Variants in AFG2A observed in about 807,000 individuals in gnomAD.
AFG2A encodes the protein ATPase family gene 2 protein homolog A.
the AFG2A span, among the ~76,000 whole-genome samples, chr4:123,047,304 A>G: frequency 2.0e-5 from 3 of 152,198 alleles, no homozygotes; most frequent in African/African-American, 7.2e-5. Flanking sequence ...CTTGCATAAG[A>G]TAAGAGATCA....
chr4:123,007,629 T>TATATATAC, the AFG2A span, among the ~76,000 whole-genome samples: 7 of 99,078 alleles, frequency 7.1e-5, no homozygotes, highest in African/African-American at 3.4e-4. Context: ...TATATATATA[T>TATATATAC]ACACACACAC....
At chr4:123,203,684 T>C in the AFG2A span, among the ~76,000 whole-genome samples, 2 of 152,262 alleles carry the variant, frequency 1.3e-5, no homozygotes, top group African/African-American at 4.8e-5. Flanking sequence ...TTTTGGACTA[T>C]TATGAATAAA....
the AFG2A span, among the ~76,000 whole-genome samples, chr4:123,124,216 T>C: frequency 6.6e-6 from 1 of 152,112 alleles, no homozygotes; most frequent in Admixed American, 6.5e-5. Context: ...CTGTTCACAA[T>C]AGCAAAGACT....
chr4:122,960,049 T>C, the AFG2A span, among the ~76,000 whole-genome samples: 2 of 152,192 alleles, frequency 1.3e-5, no homozygotes, highest in African/African-American at 4.8e-5. Context: ...TGGTTTGATA[T>C]GTCGTGACTT....
chr4:122,930,054 A>G, the AFG2A span, among the ~76,000 whole-genome samples: 2 of 152,238 alleles, frequency 1.3e-5, no homozygotes, highest in African/African-American at 2.4e-5. Context: ...AAAAGAGTAG[A>G]TTACTGTGAG....
At chr4:123,140,673 C>T in the AFG2A span, among the ~76,000 whole-genome samples, 1 of 151,634 alleles carries the variant, frequency 6.6e-6, no homozygotes, top group Non-Finnish European at 1.5e-5. Context: ...ATGTGTATTC[C>T]CATTTTTTAA....
the AFG2A span, among the ~76,000 whole-genome samples, chr4:122,986,383 C>T: frequency 2.6e-5 from 4 of 152,202 alleles, no homozygotes; most frequent in African/African-American, 7.2e-5. Context: ...ACTGAAGTCC[C>T]GTACTATTAT....
At chr4:122,996,144 C>G in the AFG2A span, among the ~76,000 whole-genome samples, 1 of 152,106 alleles carries the variant, frequency 6.6e-6, no homozygotes, top group East Asian at 1.9e-4. Context: ...ACTTTATGCT[C>G]TAGTCTTGTT....
the AFG2A span, among the ~76,000 whole-genome samples, chr4:122,954,053 A>G: frequency 1.3e-5 from 2 of 152,176 alleles, no homozygotes; most frequent in African/African-American, 2.4e-5. Flanking sequence ...ATGTCCTGCA[A>G]TTCCTCCATA....
At chr4:122,927,325 C>T in the AFG2A span, among the ~76,000 whole-genome samples, 1 of 151,950 alleles carries the variant, frequency 6.6e-6, no homozygotes, top group African/African-American at 2.4e-5. Flanking sequence ...ACTTAAAGCT[C>T]AGAGACTCTC....
At chr4:122,971,575 T>G in the AFG2A span, among the ~76,000 whole-genome samples, 1 of 152,194 alleles carries the variant, frequency 6.6e-6, no homozygotes, top group African/African-American at 2.4e-5. Flanking sequence ...CTTACTATAC[T>G]ACATAGGACC....
the AFG2A span, among the ~76,000 whole-genome samples, chr4:123,106,808 C>G: frequency 6.6e-6 from 1 of 152,252 alleles, no homozygotes; most frequent in Non-Finnish European, 1.5e-5. Context: ...CTCAGCCCAG[C>G]AGGCTGCACT....
the AFG2A span, among the ~76,000 whole-genome samples, chr4:123,256,553 AC>A: frequency 6.6e-6 from 1 of 152,182 alleles, no homozygotes; most frequent in Non-Finnish European, 1.5e-5. Flanking sequence ...TGATACTACT[AC>A]CTTCCCTCCT....
chr4:123,032,279 G>A, the AFG2A span, among the ~76,000 whole-genome samples: 2 of 152,146 alleles, frequency 1.3e-5, no homozygotes, highest in Non-Finnish European at 2.9e-5. Flanking sequence ...TCAAAGTAGT[G>A]CACAATTCAG....
the AFG2A span, among the ~76,000 whole-genome samples, chr4:123,019,417 A>G: frequency 6.6e-6 from 1 of 152,140 alleles, no homozygotes; most frequent in Non-Finnish European, 1.5e-5. Context: ...GTGTGTTTGC[A>G]TTTGGAGAGG....
At chr4:122,986,389 A>G in the AFG2A span, among the ~76,000 whole-genome samples, 1 of 152,138 alleles carries the variant, frequency 6.6e-6, no homozygotes, top group Non-Finnish European at 1.5e-5. Flanking sequence ...GTCCCGTACT[A>G]TTATTGTGTT....
the AFG2A span, among the ~76,000 whole-genome samples, chr4:123,299,143 G>GTGTC: frequency 1.3e-5 from 2 of 152,028 alleles, no homozygotes; most frequent in African/African-American, 4.8e-5. Flanking sequence ...GTGTGTGTGT[G>GTGTC]TGTGTGTGTC....
the AFG2A span, among the ~76,000 whole-genome samples, chr4:123,187,880 C>A: frequency 6.6e-6 from 1 of 151,812 alleles, no homozygotes; most frequent in South Asian, 2.1e-4. Context: ...CTTGTAGTCC[C>A]AGCTACTCTG....
At chr4:123,103,393 C>T in the AFG2A span, among the ~76,000 whole-genome samples, 3 of 152,086 alleles carry the variant, frequency 2.0e-5, no homozygotes, top group Non-Finnish European at 2.9e-5. Flanking sequence ...ATGTGTTTTA[C>T]ATATGATGTC....
Sources: allele counts gnomAD v4.1 joint callset (sites outside exome capture counted in the v4.1 genomes callset), GRCh38; gene constraint gnomAD v4.1.1; transcripts MANE v1.5; gene names NCBI Gene and HGNC (gene_info 2026-07-23, HGNC 2026-07-21).